Variants in SARDH observed in about 807,000 individuals in gnomAD.
SARDH encodes sarcosine dehydrogenase, mitochondrial.
In SARDH, 95 loss-of-function variants were observed where a neutral mutation model predicts 109.1. That is an observed-to-expected ratio of 0.87 (90% CI 0.74 to 1.03). The LOEUF is 1.03. Among genes scored for constraint, SARDH ranks in the 50% least tolerant of loss-of-function variants. SARDH has a pLI of 0.00. For missense variants in SARDH, 1,267 were observed against 1,287.8 expected (o/e 0.98, Z 0.25); for synonymous variants, 572 against 534.8 (o/e 1.07, Z -0.96).
At chr9:133,731,613 G>A (rs1832684474) in intron 3 of SARDH, 129 bp from the exon 4 acceptor site, 1 of 851,670 alleles carries the variant, frequency 1.2e-6, no homozygotes, top group Admixed American at 2.7e-5. Context: ...CGGTCCCCAC[G>A]CCCCCGGAGC....
At chr9:133,705,266 A>G (rs1451405476) in intron 11 of SARDH, among the ~76,000 whole-genome samples, 39 of 111,922 alleles carry the variant, frequency 3.5e-4, no homozygotes, top group South Asian at 1.2e-3. Context: ...ACCCCCATCT[A>G]TAGAATTACC....
chr9:133,715,042 C>A (rs1832068610), intron 8 of SARDH, among the ~76,000 whole-genome samples: 1 of 152,232 alleles, frequency 6.6e-6, no homozygotes. Context: ...GGCCAGGGGC[C>A]AGGCCTGCGG....
rs138541180 is a variant in SARDH at position 133,666,206 on chromosome 9, A to AGAG, written c.2631+526_2631+528dup. Among the ~76,000 whole-genome samples, 2,985 of 151,806 alleles carry AGAG rather than the reference A, an allele frequency of 0.02. 108 individuals are homozygous for AGAG. Among genetic ancestry groups the AGAG allele is most frequent in the African/African-American group, 0.068 (2,813 of 41,402 alleles). ...TCAGGGGTGTCGGGGGTGAGGAAAGAGAGGATAGGAACATGGGTCTCTGAG... is the reference window on the plus strand; with the variant it reads ...TCAGGGGTGTCGGGGGTGAGGAAAGAGAGGAGGATAGGAACATGGGTCTCTGAG... On this transcript the variant is annotated intron_variant, in intron 20 of 20. Coordinates refer to ENST00000439388, the MANE Select transcript of SARDH (RefSeq NM_001134707.2). The surrounding 1 kb of genome is among the most constrained non-coding windows in gnomAD (Gnocchi z 5.2).
At chr9:133,684,824 G>T (rs763315851) in intron 17 of SARDH, among the ~76,000 whole-genome samples, 1 of 152,170 alleles carries the variant, frequency 6.6e-6, no homozygotes. Flanking sequence ...AGCAGAGCTC[G>T]GCCCTCCCGT....
At chr9:133,702,503 C>T (rs1389953938) in intron 13 of SARDH, among the ~76,000 whole-genome samples, 1 of 152,128 alleles carries the variant, frequency 6.6e-6, no homozygotes, top group African/African-American at 2.4e-5. Flanking sequence ...GCCTGCGGCC[C>T]CCTTGTCCTG....
intron 17 of SARDH, among the ~76,000 whole-genome samples, chr9:133,671,996 C>T (rs376674026): frequency 1.8e-4 from 27 of 152,344 alleles, no homozygotes; most frequent in East Asian, 5.8e-4. Context: ...TCATAACAAA[C>T]GACCACAACT....
rs148781852 is a variant in SARDH at position 133,669,634 on chromosome 9, C to G, written c.2495+950G>C. On this transcript the variant is annotated intron_variant, in intron 19 of 20. Transcript: ENST00000439388. Reference sequence around the variant, plus strand: ...CTCCAGCAGCATGCTCAAAGCCACTCTCAGTGGGGAGAGCAGGAGGTCAGG... The same window carrying G: ...CTCCAGCAGCATGCTCAAAGCCACTGTCAGTGGGGAGAGCAGGAGGTCAGG... Among the ~76,000 whole-genome samples, 22 of 152,266 alleles carry G rather than the reference C, an allele frequency of 1.4e-4. No individual in the cohort carries two copies. In the East Asian group the frequency reaches 3.7e-3, roughly 26 times the overall value.
chr9:133,676,595 C>G (rs901187906), intron 17 of SARDH, among the ~76,000 whole-genome samples: 1 of 152,078 alleles, frequency 6.6e-6, no homozygotes, highest in African/African-American at 2.4e-5. Context: ...CAGGGGAGGC[C>G]GGGGGGTGTA....
At chr9:133,734,460 C>CTCAT (rs1007358894) in intron 1 of SARDH, among the ~76,000 whole-genome samples, 23 of 147,084 alleles carry the variant, frequency 1.6e-4, no homozygotes, top group African/African-American at 2.8e-4. Flanking sequence ...CATTCATTCA[C>CTCAT]TCATTCATTC....
intron 17 of SARDH, among the ~76,000 whole-genome samples, chr9:133,684,057 G>A (rs1564248052): frequency 6.6e-6 from 1 of 152,236 alleles, no homozygotes; most frequent in East Asian, 1.9e-4. Context: ...CAGCATGAGC[G>A]CTGGAGGGCT....
chr9:133,690,164 T>C (rs1831040134), intron 16 of SARDH, among the ~76,000 whole-genome samples: 1 of 152,202 alleles, frequency 6.6e-6, no homozygotes, highest in Non-Finnish European at 1.5e-5. Flanking sequence ...CCTCAGTGAC[T>C]GAACAGCTGT....
At chr9:133,698,561 T>G (rs944233991) in intron 13 of SARDH, among the ~76,000 whole-genome samples, 1 of 152,160 alleles carries the variant, frequency 6.6e-6, no homozygotes, top group Non-Finnish European at 1.5e-5. Context: ...GACAGTGAGG[T>G]ACTAAATAAG....
intron 20 of SARDH, 150 bp from the exon 21 acceptor site, chr9:133,664,164 G>A (rs1170091053): frequency 3.7e-6 from 4 of 1,081,116 alleles, no homozygotes; most frequent in Non-Finnish European, 3.9e-6. Context: ...CTGAACCCAG[G>A]CATTGCCCCA....
At chr9:133,714,636 C>T (rs1832052328) in intron 8 of SARDH, among the ~76,000 whole-genome samples, 1 of 152,124 alleles carries the variant, frequency 6.6e-6, no homozygotes, top group Admixed American at 6.5e-5. Flanking sequence ...AAAAATTAGC[C>T]GGATGTGGTG....
chr9:133,667,181 T>C (rs1830103188), intron 19 of SARDH: 1 of 550,684 alleles, frequency 1.8e-6, no homozygotes, highest in African/African-American at 1.9e-5. Context: ...CCTTCCATTG[T>C]TGTTCAACTC....
At chr9:133,690,940 G>T (rs576128987) in intron 15 of SARDH, among the ~76,000 whole-genome samples, 3 of 152,060 alleles carry the variant, frequency 2.0e-5, no homozygotes, top group African/African-American at 7.2e-5. Context: ...ACAACATCTG[G>T]CCCCACAGGG....
chr9:133,690,340 A>G, intron 16 of SARDH, 40 bp downstream of exon 16: 1 of 1,589,728 alleles, frequency 6.3e-7, no homozygotes, highest in Non-Finnish European at 8.6e-7. Context: ...GGGTCCAGGC[A>G]GCAGGTGCAC....
rs150516837 is a variant in SARDH, at chr9:133,723,108, A to G, written c.916-4066T>C. Reference sequence around the variant, plus strand: ...GCAAAACTTGTACTCTAAAAACTAGAAAATACTTTCGAAAGAAATTAAAGA... The same window carrying G: ...GCAAAACTTGTACTCTAAAAACTAGGAAATACTTTCGAAAGAAATTAAAGA... On this transcript the variant is annotated intron_variant, in intron 6 of 20. Coordinates refer to ENST00000439388, the MANE Select transcript of SARDH (RefSeq NM_001134707.2). 5.3e-3 allele frequency among the ~76,000 whole-genome samples: 812 copies of G among 152,352 alleles called. 3 individuals are homozygous for G. The highest frequency in any genetic ancestry group is 8.7e-3 in the Non-Finnish European group (589 of 68,036).
rs1377179737 is a variant in SARDH, at chr9:133,712,868, G to A, written c.1238-159C>T. 1.1e-6 allele frequency: 1 copy of A among 922,322 alleles called. No individual in the cohort carries two copies. Among genetic ancestry groups the A allele is most frequent in the Non-Finnish European group, 1.7e-6 (1 of 602,740 alleles). 57.1% of individuals were successfully genotyped at this position (922,322 alleles called of 1,614,324 possible). A position where few individuals can be genotyped will look rare whatever the true frequency, so the allele number is the denominator to read the frequency against. ...TCCTGATTGGACTGCTGCTGGACTG[G>A]ACCCTGGCACAGGTGCACTCTCTGG... On this transcript the variant is annotated intron_variant, in intron 9 of 20. Coordinates refer to ENST00000439388, the MANE Select transcript of SARDH (RefSeq NM_001134707.2). This position sits in a 1 kb window ranked among gnomAD's most constrained non-coding sequence, Gnocchi z 4.1.
Sources: allele counts gnomAD v4.1 joint callset (sites outside exome capture counted in the v4.1 genomes callset), GRCh38; gene constraint gnomAD v4.1.1; non-coding constraint Gnocchi (gnomAD v3.1); transcripts MANE v1.5; gene names NCBI Gene and HGNC (gene_info 2026-07-23, HGNC 2026-07-21).